GNAL: variants seen among roughly 807,000 people sequenced by gnomAD.
GNAL encodes guanine nucleotide-binding protein G(olf) subunit alpha.
Under a neutral mutation model 55.1 loss-of-function variants are expected in GNAL, and 18 were observed. The observed-to-expected ratio is 0.33, with a 90% CI of 0.23 to 0.48. GNAL has a LOEUF of 0.48. GNAL is among the 20% of genes least tolerant of loss of function. The pLI is 0.99. For synonymous variants in GNAL, 253 were observed against 237.0 expected, an observed-to-expected ratio of 1.07 and a Z score of -0.62; for missense variants, 412 against 614.1, an observed-to-expected ratio of 0.67 and a Z score of 3.48.
chr18:11,757,809 G>A lies in GNAL; in HGVS notation c.624+3864G>A, dbSNP rs565697723. Among the ~76,000 whole-genome samples the A allele has an allele frequency of 7.9e-5, 12 of 152,242 alleles. No individual in the cohort carries two copies. The East Asian group carries it at 9.6e-4, about 12-fold the overall frequency. On this transcript the variant is annotated intron_variant, in intron 4 of 11. Coordinates refer to ENST00000334049, the MANE Select transcript of GNAL (RefSeq NM_182978.4). ...CATTGCAGAAGGAAGGGATGTCAGC[G>A]GTGGGCAGTGCTGACCGGGGAGTCA...
rs1567901932 is a variant in GNAL, at chr18:11,868,376, G to A, written c.911-167G>A. Among the ~76,000 whole-genome samples the A allele has an allele frequency of 6.6e-6, 1 of 151,990 alleles. No individual in the cohort carries two copies. The highest frequency in any genetic ancestry group is 1.5e-5 in the Non-Finnish European group (1 of 68,022). ...TGGGCTCTTCATCAAGTGCGTTACTGAAGCAACCAGTGGTGCGCGGCGCAC... is the reference window on the plus strand; with the variant it reads ...TGGGCTCTTCATCAAGTGCGTTACTAAAGCAACCAGTGGTGCGCGGCGCAC... On this transcript the variant is annotated intron_variant, in intron 8 of 11. Transcript: ENST00000334049. The surrounding 1 kb of genome is among the most constrained non-coding windows in gnomAD (Gnocchi z 4.0).
rs1210153086 is a variant in GNAL, at chr18:11,884,847, G to A, written c.*3712G>A. On this transcript the variant is annotated 3_prime_UTR_variant, in exon 12 of 12. Transcript: ENST00000334049. Reference sequence around the variant, plus strand: ...CAGGAGAGACAAGTAAGGCCCAAGTGTGCCTGAGTGGAAAATGTCTGGGAC... The same window carrying A: ...CAGGAGAGACAAGTAAGGCCCAAGTATGCCTGAGTGGAAAATGTCTGGGAC... 2 of 1,378,688 alleles carry A rather than the reference G, an allele frequency of 1.5e-6. No homozygotes were observed. The highest frequency in any genetic ancestry group is 1.5e-5 in the South Asian group (1 of 65,648). 85.4% of individuals were successfully genotyped at this position (1,378,688 alleles called of 1,614,324 possible).
chr18:11,843,307 T>G (rs2035658970), intron 5 of GNAL, among the ~76,000 whole-genome samples: 1 of 152,160 alleles, frequency 6.6e-6, no homozygotes, highest in South Asian at 2.1e-4. Flanking sequence ...AAGACCAGCC[T>G]GACCAATATG....
chr18:11,690,011 G>A (rs1405388661), intron 1 of GNAL, 72 bp downstream of exon 1: 2 of 917,124 alleles, frequency 2.2e-6, no homozygotes, highest in Non-Finnish European at 2.8e-6. Context: ...GGCGGGCACC[G>A]GGGAGCGGTG....
intron 5 of GNAL, among the ~76,000 whole-genome samples, chr18:11,838,756 A>G (rs938252104): frequency 6.6e-6 from 1 of 152,226 alleles, no homozygotes; most frequent in Non-Finnish European, 1.5e-5. Context: ...CAGATTGTTC[A>G]TGTACTTACT....
At chr18:11,724,811 C>G (rs964594719) in intron 1 of GNAL, among the ~76,000 whole-genome samples, 1 of 152,178 alleles carries the variant, frequency 6.6e-6, no homozygotes, top group African/African-American at 2.4e-5. Flanking sequence ...CAGCATCTAC[C>G]AAGGCCCAGG....
rs532027499 is a variant in GNAL, at chr18:11,884,734, G to A, written c.*3599G>A. The A allele has an allele frequency of 7.7e-5, 105 of 1,371,668 alleles. No individual in the cohort carries two copies. In the African/African-American group the frequency reaches 1.4e-3, roughly 18 times the overall value. The allele number at this position is 1,371,668 out of a possible 1,614,324, so 85.0% of individuals were successfully genotyped here. ...CTGCCTTCTCAGGTCCCCCTCAGGT[G>A]AGGCAGGGAACGGGCCCTCCTCACC... On this transcript the variant is annotated 3_prime_UTR_variant, in exon 12 of 12. Coordinates refer to ENST00000334049, the MANE Select transcript of GNAL (RefSeq NM_182978.4).
intron 4 of GNAL, among the ~76,000 whole-genome samples, chr18:11,786,506 T>A (rs1043087878): frequency 8.0e-6 from 1 of 125,014 alleles, no homozygotes; most frequent in Admixed American, 1.1e-4. Flanking sequence ...TGGAGTGCAG[T>A]GGCGCTGTCT....
chr18:11,693,364 G>A (rs61670374), intron 1 of GNAL, among the ~76,000 whole-genome samples: 53,277 of 151,972 alleles, frequency 0.35, 12,790 homozygotes, highest in African/African-American at 0.68. Flanking sequence ...CTAAAATGAC[G>A]TAAAATCAAA....
In GNAL at chr18:11,884,630, G is replaced by A. The variant is rs2036902043; in HGVS notation, c.*3495G>A. Reference sequence around the variant, plus strand: ...TAGTCTGTGGGCGTGATGCTACCCTGGAAAGGAGAAGGGAAAGTTATGCTG... The same window carrying A: ...TAGTCTGTGGGCGTGATGCTACCCTAGAAAGGAGAAGGGAAAGTTATGCTG... On this transcript the variant is annotated 3_prime_UTR_variant, in exon 12 of 12. Transcript: ENST00000334049. The A allele has an allele frequency of 3.1e-6, 5 of 1,612,702 alleles. No homozygotes were observed. The highest frequency in any genetic ancestry group is 3.4e-6 in the Non-Finnish European group (4 of 1,179,312).
In GNAL at chr18:11,884,704, G is replaced by GA; in HGVS notation, c.*3571dup. ...ACCGCAGTCTTAGAAACAGCAGAGG[G>GA]AAGACTGCCTTCTCAGGTCCCCCTC... On this transcript the variant is annotated 3_prime_UTR_variant, in exon 12 of 12. Transcript: ENST00000334049. The GA allele has an allele frequency of 5.4e-6, 8 of 1,474,986 alleles. No homozygotes were observed. Among genetic ancestry groups the GA allele is most frequent in the Non-Finnish European group, 7.5e-6 (8 of 1,071,728 alleles). The allele number at this position is 1,474,986 out of a possible 1,614,324, so 91.4% of individuals were successfully genotyped here.
rs1239948473 is a variant in GNAL, at chr18:11,691,521, A to G, written c.376+1582A>G. On this transcript the variant is annotated intron_variant, in intron 1 of 11. Transcript: ENST00000334049. ...TGCCATTGCTTTTGGTGTTTTGGAC[A>G]TGAAGTCCTTGCCCATGCCTATGTC... 2.0e-5 allele frequency among the ~76,000 whole-genome samples: 3 copies of G among 148,694 alleles called. No individual in the cohort carries two copies. The East Asian group carries it at 5.8e-4, about 29-fold the overall frequency.
At chr18:11,717,198 C>T (rs1057000312) in intron 1 of GNAL, among the ~76,000 whole-genome samples, 2 of 152,338 alleles carry the variant, frequency 1.3e-5, no homozygotes, top group Non-Finnish European at 2.9e-5. Flanking sequence ...GCCAGCCGGC[C>T]GCTCCCAGTG....
intron 1 of GNAL, among the ~76,000 whole-genome samples, chr18:11,691,157 T>G (rs1230382347): frequency 6.6e-6 from 1 of 151,944 alleles, no homozygotes; most frequent in African/African-American, 2.4e-5. Context: ...CCATTCTAAC[T>G]GGTGTGAGAT....
At chr18:11,765,514 T>C (rs2033376762) in intron 4 of GNAL, among the ~76,000 whole-genome samples, 1 of 152,232 alleles carries the variant, frequency 6.6e-6, no homozygotes, top group African/African-American at 2.4e-5. Context: ...ATCTTATTCC[T>C]TCTGTGCATC....
intron 4 of GNAL, among the ~76,000 whole-genome samples, chr18:11,779,808 C>T (rs1348243689): frequency 1.3e-5 from 2 of 152,204 alleles, no homozygotes; most frequent in African/African-American, 4.8e-5. Flanking sequence ...TGCTGAGAGT[C>T]CATCATTTTC....
chr18:11,829,003 G>A (rs118124363), intron 5 of GNAL, among the ~76,000 whole-genome samples: 1,959 of 152,316 alleles, frequency 0.013, 20 homozygotes, highest in Middle Eastern at 0.027. Context: ...CACCTAGAGA[G>A]GTGCCTACGA....
intron 4 of GNAL, among the ~76,000 whole-genome samples, chr18:11,812,507 G>GA (rs2034841861): frequency 6.6e-6 from 1 of 152,160 alleles, no homozygotes; most frequent in African/African-American, 2.4e-5. Flanking sequence ...CACTAGAAAT[G>GA]AAAAAAATCT....
intron 5 of GNAL, among the ~76,000 whole-genome samples, chr18:11,825,745 A>G (rs1193682272): frequency 1.2e-5 from 1 of 80,346 alleles, no homozygotes; most frequent in African/African-American, 3.0e-5. Flanking sequence ...AAAAAAAAAA[A>G]AAAAGGAAAA....
Sources: allele counts gnomAD v4.1 joint callset (sites outside exome capture counted in the v4.1 genomes callset), GRCh38; gene constraint gnomAD v4.1.1; non-coding constraint Gnocchi (gnomAD v3.1); transcripts MANE v1.5; gene names NCBI Gene and HGNC (gene_info 2026-07-23, HGNC 2026-07-21).